STRN3: variants seen among roughly 807,000 people sequenced by gnomAD.
STRN3 encodes striatin-3.
In STRN3, 29 loss-of-function variants were observed where a neutral mutation model predicts 95.6. The ratio of observed to expected loss-of-function variants is 0.30; its 90% CI spans 0.23 to 0.41. STRN3 has a LOEUF of 0.41. STRN3 is among the 10% of genes least tolerant of loss of function. The pLI is 1.00. For missense variants in STRN3, 890 were observed against 972.1 expected, an observed-to-expected ratio of 0.92 and a Z score of 1.12; for synonymous variants, 331 against 357.6, an observed-to-expected ratio of 0.93 and a Z score of 0.84.
intron 1 of STRN3, among the ~76,000 whole-genome samples, chr14:30,996,216 G>A (rs1882191518): frequency 6.6e-6 from 1 of 152,092 alleles, no homozygotes; most frequent in South Asian, 2.1e-4. Context: ...AAGAAAACAG[G>A]CTCTAAAATA....
At position 30,960,640 on chromosome 14, in the gene STRN3, C is replaced by T. The variant is rs189847378; in HGVS notation, c.283-4398G>A. ...ATCCCAGCACTTTGGGAGGCTGAGG[C>T]GGGCAGATCACGAGGTCAGGAGATC... On this transcript the variant is annotated intron_variant, in intron 1 of 17. Transcript: ENST00000357479. Among the ~76,000 whole-genome samples the T allele has an allele frequency of 1.5e-4, 23 of 151,974 alleles. 1 individual carries two copies. In the East Asian group the frequency reaches 4.5e-3, roughly 29 times the overall value.
intron 7 of STRN3, among the ~76,000 whole-genome samples, chr14:30,929,902 A>G (rs1878396331): frequency 6.9e-6 from 1 of 144,080 alleles, no homozygotes; most frequent in South Asian, 2.2e-4. Context: ...CCACCCACCC[A>G]AATAGTTCAA....
intron 5 of STRN3, among the ~76,000 whole-genome samples, chr14:30,944,504 A>G (rs543832754): frequency 6.3e-4 from 93 of 148,118 alleles, no homozygotes; most frequent in Admixed American, 2.0e-3. Flanking sequence ...ATATATATAC[A>G]TGTATATATA....
intron 7 of STRN3, among the ~76,000 whole-genome samples, chr14:30,929,964 A>AAAAAAAAAAAAAAAAAAAAAAAAAAC (rs1878421314): frequency 6.8e-6 from 1 of 147,224 alleles, no homozygotes; most frequent in Admixed American, 6.8e-5. Context: ...CAAAAAAAAA[A>AAAAAAAAAAAAAAAAAAAAAAAAAAC]AAAAAAAAAA....
chr14:30,977,952 C>T (rs1049307167), intron 1 of STRN3, among the ~76,000 whole-genome samples: 1 of 152,116 alleles, frequency 6.6e-6, no homozygotes, highest in East Asian at 1.9e-4. Flanking sequence ...TCTACAAAAA[C>T]TTACATAAGG....
In STRN3 at chr14:30,956,932, G is replaced by A. The variant is rs569829170; in HGVS notation, c.283-690C>T. Among the ~76,000 whole-genome samples the A allele has an allele frequency of 4.6e-5, 7 of 152,080 alleles. No homozygotes were observed. In the East Asian group the frequency reaches 9.7e-4, roughly 21 times the overall value. On this transcript the variant is annotated intron_variant, in intron 1 of 17. Coordinates refer to ENST00000357479, the MANE Select transcript of STRN3 (RefSeq NM_001083893.2). ...CCAGCACTTTGGGAGGCCGAGGCAG[G>A]CAGATCACCTGAGGTCAGGAGTTCA... is the stretch of plus-strand genomic sequence containing the variant.
intron 12 of STRN3, 130 bp from the exon 13 acceptor site, chr14:30,911,292 G>A: frequency 1.3e-6 from 1 of 754,406 alleles, no homozygotes; most frequent in Non-Finnish European, 1.9e-6. Context: ...CACCTGACTG[G>A]TACTTTTTTT....
intron 1 of STRN3, among the ~76,000 whole-genome samples, chr14:30,986,662 T>G (rs1881708982): frequency 6.6e-6 from 1 of 152,260 alleles, no homozygotes; most frequent in Admixed American, 6.5e-5. Flanking sequence ...TTTTCCATCC[T>G]GCATAATGCA....
chr14:31,002,470 CAAAAAAAAAAA>C (rs59491889), intron 1 of STRN3, among the ~76,000 whole-genome samples: 1 of 81,606 alleles, frequency 1.2e-5, no homozygotes, highest in African/African-American at 4.8e-5. Flanking sequence ...GACTCTGTCT[CAAAAAAAAAAA>C]AAAAAAAAAA....
At chr14:30,964,185 G>A (rs1880358297) in intron 1 of STRN3, among the ~76,000 whole-genome samples, 1 of 152,162 alleles carries the variant, frequency 6.6e-6, no homozygotes, top group Non-Finnish European at 1.5e-5. Context: ...CTGGGAGGTG[G>A]AGGTTGCAGT....
chr14:31,015,575 G>A (rs1475872229), intron 1 of STRN3, among the ~76,000 whole-genome samples: 1 of 152,016 alleles, frequency 6.6e-6, no homozygotes, highest in African/African-American at 2.4e-5. Flanking sequence ...GTTTCACCAT[G>A]CTGGCCAGGC....
Position 30,993,969 on chromosome 14 carries a change from T to G in STRN3, c.282+31935A>C, listed in dbSNP as rs1465486690. On this transcript the variant is annotated intron_variant, in intron 1 of 17. Coordinates refer to ENST00000357479, the MANE Select transcript of STRN3 (RefSeq NM_001083893.2). ...CTCGGCTCACGGCAAGCTCCACCTC[T>G]CGGGATCAAGCGATTCTCCTGCCTC... is the stretch of plus-strand genomic sequence containing the variant. Among the ~76,000 whole-genome samples, 414 of 151,304 alleles carry G rather than the reference T, an allele frequency of 2.7e-3. 5 individuals carry two copies. Among genetic ancestry groups the G allele is most frequent in the African/African-American group, 9.5e-3 (393 of 41,162 alleles).
In STRN3 at chr14:31,023,972, G is replaced by C. The variant is rs149430829; in HGVS notation, c.282+1932C>G. ...ACTTAGGATGGCTAATAACAGTACT[G>C]TACCAATAGAATTGAAAGCAAGCAA... On this transcript the variant is annotated intron_variant, in intron 1 of 17. Transcript: ENST00000357479. Among the ~76,000 whole-genome samples the C allele has an allele frequency of 7.7e-3, 1,175 of 152,166 alleles. 11 individuals carry two copies. Among genetic ancestry groups the C allele is most frequent in the African/African-American group, 0.027 (1,123 of 41,518 alleles).
chr14:30,957,539 T>C (rs1367341384), intron 1 of STRN3, among the ~76,000 whole-genome samples: 1 of 152,074 alleles, frequency 6.6e-6, no homozygotes, highest in Non-Finnish European at 1.5e-5. Context: ...ATTTTAATTC[T>C]TGAAACAGTA....
chr14:30,977,877 A>G (rs1302155760), intron 1 of STRN3, among the ~76,000 whole-genome samples: 4 of 151,966 alleles, frequency 2.6e-5, no homozygotes, highest in Admixed American at 2.0e-4. Context: ...TAAAAATTAT[A>G]AATAGCTTAA....
chr14:30,984,177 G>A (rs1313193357), intron 1 of STRN3, among the ~76,000 whole-genome samples: 5 of 105,740 alleles, frequency 4.7e-5, no homozygotes, highest in African/African-American at 1.9e-4. Flanking sequence ...AGGTTTAAAT[G>A]TATTTCTTTT....
chr14:31,018,812 C>G, intron 1 of STRN3: 1 of 434,130 alleles, frequency 2.3e-6, no homozygotes, highest in Non-Finnish European at 4.5e-6. Flanking sequence ...TCAGTAACTT[C>G]AAGCACTAAT....
intron 3 of STRN3, among the ~76,000 whole-genome samples, chr14:30,952,056 T>C (rs1879668298): frequency 6.6e-6 from 1 of 151,806 alleles, no homozygotes; most frequent in Admixed American, 6.6e-5. Context: ...AGGTGAAGGT[T>C]GCAGTGAGCC....
chr14:30,957,083 G>C (rs1879947287), intron 1 of STRN3, among the ~76,000 whole-genome samples: 1 of 152,146 alleles, frequency 6.6e-6, no homozygotes. Context: ...GCTTGAACCT[G>C]GGAGGCGGAA....
Sources: gnomAD v4.1 joint callset for allele counts (sites outside exome capture counted in the v4.1 genomes callset) on GRCh38, gnomAD v4.1.1 for gene constraint, MANE v1.5 for transcripts, NCBI Gene and HGNC (gene_info 2026-07-23, HGNC 2026-07-21) for gene names.